Variants in USO1 observed in about 807,000 individuals in gnomAD.
The protein encoded by USO1 is general vesicular transport factor p115.
In USO1, 57 loss-of-function variants were observed where a neutral mutation model predicts 124.5. The ratio of observed to expected loss-of-function variants is 0.46; its 90% CI spans 0.37 to 0.57. The LOEUF is 0.57. Among genes scored for constraint, USO1 ranks in the 20% least tolerant of loss-of-function variants. USO1 has a pLI of 0.00. For missense variants in USO1, 900 were observed against 1,040.6 expected (o/e 0.86, Z 1.86); for synonymous variants, 369 against 362.8 (o/e 1.02, Z -0.19).
At chr4:75,776,197 C>A (rs1722069053) in intron 8 of USO1, among the ~76,000 whole-genome samples, 1 of 152,148 alleles carries the variant, frequency 6.6e-6, no homozygotes, top group Admixed American at 6.6e-5. Flanking sequence ...ACTATGGTCT[C>A]TCGAAAGTAC....
rs561456478 is a variant in USO1 at position 75,806,432 on chromosome 4, T to TC, written c.2290-53dup. 1.2e-4 allele frequency: 184 copies of TC among 1,528,086 alleles called. No individual in the cohort carries two copies. The African/African-American group carries it at 2.4e-3, about 20-fold the overall frequency. The allele number at this position is 1,528,086 out of a possible 1,614,324, so 94.7% of individuals were successfully genotyped here. On this transcript the variant is annotated intron_variant, in intron 19 of 23. Transcript: ENST00000514213. ...ATATGTGTACAGTTCTGTTTTTTTT[T>TC]CTCATCTCTTTAGACTGAATATATT...
intron 4 of USO1, among the ~76,000 whole-genome samples, chr4:75,765,890 A>C (rs889210343): frequency 1.3e-5 from 2 of 152,140 alleles, no homozygotes; most frequent in Non-Finnish European, 2.9e-5. Context: ...ATCCTCTGCC[A>C]CCTTCACTTA....
Position 75,801,174 on chromosome 4 carries a change from C to A in USO1, c.1960C>A (p.His654Asn). The A allele has an allele frequency of 6.2e-7, 1 of 1,608,578 alleles. No homozygotes were observed. The highest frequency in any genetic ancestry group is 8.5e-7 in the Non-Finnish European group (1 of 1,178,036). Residue 654 changes from histidine to asparagine, a missense_variant, in exon 17 of 24, where the codon CAC (histidine) becomes AAC (asparagine). Transcript: ENST00000514213. ...AGAACAGCATGACAATATTGTGACT[C>A]ACTACAAAAATATGATTCGAGAGCA... ...TLEQHDNIVT[H>N]YKNMIREQDL...
At chr4:75,793,188 T>C (rs1294735921) in intron 12 of USO1, among the ~76,000 whole-genome samples, 3 of 149,754 alleles carry the variant, frequency 2.0e-5, no homozygotes, top group African/African-American at 7.3e-5. Flanking sequence ...TCAACCTATG[T>C]TTCTTTTCTC....
At chr4:75,772,392 A>AC (rs1721956874) in intron 7 of USO1, among the ~76,000 whole-genome samples, 1 of 151,554 alleles carries the variant, frequency 6.6e-6, no homozygotes, top group Non-Finnish European at 1.5e-5. Context: ...ATGTGACATC[A>AC]CCCCCAGCTA....
chr4:75,807,534 AATGTCC>A (rs2149194765), intron 20 of USO1, among the ~76,000 whole-genome samples: 1 of 152,242 alleles, frequency 6.6e-6, no homozygotes, highest in East Asian at 1.9e-4. Flanking sequence ...TTATTTTGAT[AATGTCC>A]ATGTACCTCA....
intron 1 of USO1, 24 bp downstream of exon 1, chr4:75,724,909 A>G (rs762911171): frequency 4.5e-5 from 73 of 1,611,864 alleles, no homozygotes; most frequent in Non-Finnish European, 5.8e-5. Flanking sequence ...CGGGTCTGGG[A>G]CTTGGGAAGG....
At chr4:75,735,799 C>T (rs1366639053) in intron 1 of USO1, among the ~76,000 whole-genome samples, 2 of 152,104 alleles carry the variant, frequency 1.3e-5, no homozygotes, top group Non-Finnish European at 2.9e-5. Context: ...TGAGCCCCTG[C>T]ACCCAGCCAG....
intron 13 of USO1, among the ~76,000 whole-genome samples, chr4:75,799,289 G>C (rs1005748639): frequency 2.8e-4 from 43 of 151,592 alleles, no homozygotes; most frequent in African/African-American, 1.0e-3. Flanking sequence ...TATTGTAAAG[G>C]GTCTTGGGAT....
intron 20 of USO1, among the ~76,000 whole-genome samples, chr4:75,808,299 G>A (rs955590942): frequency 1.3e-5 from 2 of 152,140 alleles, no homozygotes; most frequent in Non-Finnish European, 2.9e-5. Flanking sequence ...GTGGTCCCTA[G>A]TCTAAAGATG....
intron 4 of USO1, among the ~76,000 whole-genome samples, chr4:75,769,199 A>G (rs1162116631): frequency 2.0e-5 from 3 of 152,192 alleles, no homozygotes; most frequent in South Asian, 2.1e-4. Context: ...CTGTCTCCCT[A>G]TTTTCCTTAC....
At chr4:75,735,627 C>T (rs1406979827) in intron 1 of USO1, among the ~76,000 whole-genome samples, 2 of 152,066 alleles carry the variant, frequency 1.3e-5, no homozygotes, top group South Asian at 2.1e-4. Flanking sequence ...CTCAAGCAAC[C>T]TTCCCACCTC....
intron 3 of USO1, among the ~76,000 whole-genome samples, chr4:75,752,932 CAT>C (rs1721332268): frequency 6.6e-6 from 1 of 152,124 alleles, no homozygotes; most frequent in East Asian, 1.9e-4. Context: ...ATAAAACAGA[CAT>C]ATAAAAATGG....
At chr4:75,758,807 TA>T (rs1186108370) in intron 4 of USO1, among the ~76,000 whole-genome samples, 2 of 152,162 alleles carry the variant, frequency 1.3e-5, no homozygotes, top group Admixed American at 1.3e-4. Flanking sequence ...AAATATTTAG[TA>T]AATGTAATTT....
At chr4:75,773,629 T>C (rs1481004712) in intron 7 of USO1, among the ~76,000 whole-genome samples, 1 of 152,212 alleles carries the variant, frequency 6.6e-6, no homozygotes, top group Non-Finnish European at 1.5e-5. Context: ...CCTAAATATT[T>C]TCTCCACTGT....
At chr4:75,797,053 A>G (rs1346214704) in intron 13 of USO1, among the ~76,000 whole-genome samples, 2 of 151,800 alleles carry the variant, frequency 1.3e-5, no homozygotes, top group Non-Finnish European at 2.9e-5. Context: ...GCTCACACCT[A>G]TATGTTAACA....
intron 1 of USO1, among the ~76,000 whole-genome samples, chr4:75,727,808 C>G (rs1720507074): frequency 6.6e-6 from 1 of 151,882 alleles, no homozygotes; most frequent in Admixed American, 6.6e-5. Flanking sequence ...TTTTCTTTGT[C>G]TGAATTAGAC....
chr4:75,754,048 A>C (rs1171744471), intron 3 of USO1, among the ~76,000 whole-genome samples: 1 of 150,370 alleles, frequency 6.7e-6, no homozygotes, highest in Non-Finnish European at 1.5e-5. Context: ...TGGCCTCCCA[A>C]AGTGCTGGGA....
intron 3 of USO1, among the ~76,000 whole-genome samples, chr4:75,756,066 A>AGGCTGAGGCAGGAGAAT (rs1172420537): frequency 4.0e-5 from 6 of 151,496 alleles, no homozygotes; most frequent in Non-Finnish European, 8.8e-5. Context: ...GCTACTCAGG[A>AGGCTGAGGCAGGAGAAT]GGCTGAGGCA....
Sources: allele counts gnomAD v4.1 joint callset (sites outside exome capture counted in the v4.1 genomes callset), GRCh38; gene constraint gnomAD v4.1.1; transcripts MANE v1.5; gene names NCBI Gene and HGNC (gene_info 2026-07-23, HGNC 2026-07-21).